The following PTPRN2 variants were observed in gnomAD, a reference collection of about 807,000 sequenced individuals.
PTPRN2 encodes receptor-type tyrosine-protein phosphatase N2.
In PTPRN2, 74 loss-of-function variants were observed where a neutral mutation model predicts 118.8. The ratio of observed to expected loss-of-function variants is 0.62; its 90% CI spans 0.52 to 0.76. PTPRN2 has a LOEUF of 0.76. Ranked by LOEUF, PTPRN2 falls within the 30% of genes least tolerant of loss-of-function variation. The probability of loss-of-function intolerance (pLI) is 0.00; values close to 1 mark genes in which losing one functional copy is unlikely to be tolerated. For synonymous variants in PTPRN2, 641 were observed against 608.0 expected (o/e 1.05, Z -0.80); for missense variants, 1,481 against 1,394.4 (o/e 1.06, Z -0.99).
Position 157,583,051 on chromosome 7 carries a change from T to G in PTPRN2, c.2497-4911A>C, listed in dbSNP as rs1479653005. ...TTGTTTATTGCAGAACTATTCACAA[T>G]AAACAAGATTTGGAACAACCCACAT... is the stretch of plus-strand genomic sequence containing the variant. On this transcript the variant is annotated intron_variant, in intron 17 of 22. Transcript: ENST00000389418. The surrounding 1 kb of genome is among the most constrained non-coding windows in gnomAD (Gnocchi z 5.5). 6.6e-6 allele frequency among the ~76,000 whole-genome samples: 1 copy of G among 152,082 alleles called. No homozygotes were observed. Among genetic ancestry groups the G allele is most frequent in the Non-Finnish European group, 1.5e-5 (1 of 67,982 alleles).
intron 14 of PTPRN2, among the ~76,000 whole-genome samples, chr7:157,630,814 G>A (rs1000981037): frequency 1.3e-5 from 2 of 152,126 alleles, no homozygotes; most frequent in African/African-American, 4.8e-5. Context: ...ACCATTCATG[G>A]GGTCTTCTCG....
At chr7:157,725,363 G>GAGCCAGACCCTCACCTCCCAGGAGAAC (rs1563042202) in intron 12 of PTPRN2, among the ~76,000 whole-genome samples, 1 of 18,096 alleles carries the variant, frequency 5.5e-5, no homozygotes, top group Admixed American at 6.6e-4. Flanking sequence ...ACAGAGGAGT[G>GAGCCAGACCCTCACCTCCCAGGAGAAC]TGGCCAGACC....
intron 12 of PTPRN2, among the ~76,000 whole-genome samples, chr7:157,795,101 T>A (rs1176013038): frequency 8.3e-6 from 1 of 119,832 alleles, no homozygotes; most frequent in African/African-American, 3.2e-5. Context: ...CCTGGGAGGC[T>A]CCTGGGGCTC....
chr7:158,506,644 G>C (rs1222740273), intron 1 of PTPRN2, among the ~76,000 whole-genome samples: 1 of 151,934 alleles, frequency 6.6e-6, no homozygotes, highest in African/African-American at 2.4e-5. Context: ...CCAAGGCAGT[G>C]GTGTGATGAT....
At position 158,110,926 on chromosome 7, in the gene PTPRN2, C is replaced by T. The variant is rs1214248490; in HGVS notation, c.1557-11G>A. On this transcript the variant is annotated splice_polypyrimidine_tract_variant and intron_variant, in intron 9 of 22. Coordinates refer to ENST00000389418, the MANE Select transcript of PTPRN2 (RefSeq NM_002847.5). Reference sequence around the variant, plus strand: ...TCGGGGCGCAGGGGGCTGCGGATGACAGCAGGGATGGGGAGCAGTCACCAC... The same window carrying T: ...TCGGGGCGCAGGGGGCTGCGGATGATAGCAGGGATGGGGAGCAGTCACCAC... The T allele has an allele frequency of 6.4e-7, 1 of 1,551,136 alleles. No homozygotes were observed. The highest frequency in any genetic ancestry group is 1.9e-5 in the Admixed American group (1 of 52,356).
intron 12 of PTPRN2, among the ~76,000 whole-genome samples, chr7:157,744,669 G>A (rs1800817817): frequency 6.6e-6 from 1 of 152,132 alleles, no homozygotes; most frequent in African/African-American, 2.4e-5. Context: ...AATGTGTGAG[G>A]CACTTCAGTA....
intron 3 of PTPRN2, among the ~76,000 whole-genome samples, chr7:158,272,973 T>C (rs943983651): frequency 6.6e-6 from 1 of 152,150 alleles, no homozygotes; most frequent in Non-Finnish European, 1.5e-5. Context: ...GTTTCACTCA[T>C]TCATCATTTA....
chr7:158,443,319 A>G (rs1265945037), intron 2 of PTPRN2, among the ~76,000 whole-genome samples: 1 of 152,202 alleles, frequency 6.6e-6, no homozygotes, highest in Non-Finnish European at 1.5e-5. Flanking sequence ...CGAAGTTGCC[A>G]CCTCTTGCCT....
intron 2 of PTPRN2, among the ~76,000 whole-genome samples, chr7:158,440,794 GT>G (rs1816957461): frequency 7.9e-6 from 1 of 125,930 alleles, no homozygotes; most frequent in African/African-American, 3.2e-5. Context: ...GGTGATGGGG[GT>G]GGTAGTGGTG....
chr7:158,039,475 T>C (rs1195857235), intron 11 of PTPRN2, among the ~76,000 whole-genome samples: 1 of 152,190 alleles, frequency 6.6e-6, no homozygotes, highest in Non-Finnish European at 1.5e-5. Context: ...GGCTCCCACA[T>C]AATGACAGGG....
chr7:158,250,697 T>G (rs973061852), intron 3 of PTPRN2, among the ~76,000 whole-genome samples: 6 of 152,218 alleles, frequency 3.9e-5, no homozygotes, highest in Non-Finnish European at 7.3e-5. Context: ...GTCTGTTTTT[T>G]GACGTGATGC....
At chr7:157,922,466 G>T (rs1798740383) in intron 11 of PTPRN2, among the ~76,000 whole-genome samples, 1 of 152,158 alleles carries the variant, frequency 6.6e-6, no homozygotes, top group African/African-American at 2.4e-5. Flanking sequence ...CACTGAAATT[G>T]GAATTGAATT....
intron 12 of PTPRN2, among the ~76,000 whole-genome samples, chr7:157,707,757 G>A (rs1458419889): frequency 3.9e-5 from 6 of 151,982 alleles, no homozygotes; most frequent in South Asian, 2.1e-4. Context: ...GCACCACTAC[G>A]CCCAGCTAAT....
chr7:158,026,984 C>G (rs918917887), intron 11 of PTPRN2, among the ~76,000 whole-genome samples: 5 of 152,248 alleles, frequency 3.3e-5, no homozygotes, highest in Admixed American at 3.3e-4. Flanking sequence ...ACCATCGTGA[C>G]ACTCGACCCT....
rs1585094563 is a variant in PTPRN2, at chr7:157,603,798, G to A, written c.2418+204C>T. Among the ~76,000 whole-genome samples, 1 of 152,176 alleles carries A rather than the reference G, an allele frequency of 6.6e-6. No individual in the cohort carries two copies. The highest frequency in any genetic ancestry group is 2.4e-5 in the African/African-American group (1 of 41,440). On this transcript the variant is annotated intron_variant, in intron 16 of 22. Coordinates refer to ENST00000389418, the MANE Select transcript of PTPRN2 (RefSeq NM_002847.5). The surrounding 1 kb of genome is among the most constrained non-coding windows in gnomAD (Gnocchi z 5.4). ...CGGAACCCACCGCCCAGCGTGAGCC[G>A]GGACCCACACGGCTCATAAACAGCC...
At chr7:158,527,996 A>C (rs1824920036) in intron 1 of PTPRN2, among the ~76,000 whole-genome samples, 1 of 152,086 alleles carries the variant, frequency 6.6e-6, no homozygotes, top group African/African-American at 2.4e-5. Context: ...GACACACAGC[A>C]GGGACTCAGC....
chr7:158,116,016 A>G (rs1488414946), intron 9 of PTPRN2, among the ~76,000 whole-genome samples: 2 of 152,140 alleles, frequency 1.3e-5, no homozygotes, highest in Non-Finnish European at 2.9e-5. Context: ...CCCGCTCTGC[A>G]CACCCTGCAT....
At chr7:157,614,559 C>T (rs867764514) in intron 15 of PTPRN2, among the ~76,000 whole-genome samples, 4 of 152,136 alleles carry the variant, frequency 2.6e-5, no homozygotes, top group South Asian at 4.1e-4. Flanking sequence ...GATAACAGAC[C>T]GTGTTGTAGA....
chr7:158,311,829 A>ATGCACACACACC (rs940693933), intron 3 of PTPRN2, among the ~76,000 whole-genome samples: 2 of 151,760 alleles, frequency 1.3e-5, no homozygotes, highest in Non-Finnish European at 2.9e-5. Context: ...ACCCACACAC[A>ATGCACACACACC]TGCACACACA....
Sources: gnomAD v4.1 joint callset for allele counts (sites outside exome capture counted in the v4.1 genomes callset) on GRCh38, gnomAD v4.1.1 for gene constraint, Gnocchi (gnomAD v3.1) non-coding constraint, MANE v1.5 for transcripts, NCBI Gene and HGNC (gene_info 2026-07-23, HGNC 2026-07-21) for gene names.